The following ST18 variants were observed in gnomAD, a reference collection of about 807,000 sequenced individuals.
ST18 encodes the protein suppression of tumorigenicity 18 protein.
In ST18, 50 loss-of-function variants were observed where a neutral mutation model predicts 110.0. That is an observed-to-expected ratio of 0.45 (90% CI 0.36 to 0.58). ST18 has a LOEUF of 0.58. ST18 is among the 20% of genes least tolerant of loss of function. ST18 has a pLI of 0.00. For missense variants in ST18, 1,306 were observed against 1,280.1 expected, an observed-to-expected ratio of 1.02 and a Z score of -0.31; for synonymous variants, 461 against 452.4, an observed-to-expected ratio of 1.02 and a Z score of -0.24.
At chr8:52,148,400 G>A (rs1042907312) in intron 16 of ST18, among the ~76,000 whole-genome samples, 2 of 152,128 alleles carry the variant, frequency 1.3e-5, no homozygotes, top group African/African-American at 4.8e-5. Context: ...CACACAGGCT[G>A]CCTCAGATGC....
At chr8:52,389,573 G>C (rs1302099665) in intron 2 of ST18, among the ~76,000 whole-genome samples, 1 of 152,222 alleles carries the variant, frequency 6.6e-6, no homozygotes, top group Non-Finnish European at 1.5e-5. Flanking sequence ...GCATGAGGCA[G>C]CGGGGAGGAA....
chr8:52,178,036 T>C (rs1430296767), intron 9 of ST18, among the ~76,000 whole-genome samples: 1 of 152,212 alleles, frequency 6.6e-6, no homozygotes, highest in Non-Finnish European at 1.5e-5. Context: ...CAAATAGATG[T>C]CCATCAGTGC....
intron 2 of ST18, among the ~76,000 whole-genome samples, chr8:52,298,262 T>C (rs62499818): frequency 0.12 from 18,194 of 152,264 alleles, 1,463 homozygotes; most frequent in Middle Eastern, 0.24. Context: ...ACAATCTGTG[T>C]GCGCAGGAAG....
rs1043813675 is a variant in ST18 at position 52,398,534 on chromosome 8, C to T, written c.-465+10794G>A. 3.9e-5 allele frequency among the ~76,000 whole-genome samples: 6 copies of T among 152,118 alleles called. No individual in the cohort carries two copies. The South Asian group carries it at 8.3e-4, about 21-fold the overall frequency. On this transcript the variant is annotated intron_variant, in intron 2 of 25. Transcript: ENST00000689386. ...TTCAGTTGCTCACCATTGATCATGA[C>T]GTTAGCTGTGGGTTTTTCATAAATG...
chr8:52,375,008 G>C (rs1831732267), intron 2 of ST18, among the ~76,000 whole-genome samples: 1 of 152,074 alleles, frequency 6.6e-6, no homozygotes, highest in South Asian at 2.1e-4. Context: ...TCCTCCTCAT[G>C]TGTTAACACA....
rs368313141 is a variant in ST18 at position 52,388,850 on chromosome 8, G to A, written c.-465+20478C>T. ...GGAGGGGGGAGGGATAGCTTTAGGAGATATACCTAATGCTAAATGATGAGT... is the reference window on the plus strand; with the variant it reads ...GGAGGGGGGAGGGATAGCTTTAGGAAATATACCTAATGCTAAATGATGAGT... On this transcript the variant is annotated intron_variant, in intron 2 of 25. Transcript: ENST00000689386. 2.0e-5 allele frequency among the ~76,000 whole-genome samples: 3 copies of A among 149,196 alleles called. No homozygotes were observed. The East Asian group carries it at 6.0e-4, about 30-fold the overall frequency.
intron 2 of ST18, among the ~76,000 whole-genome samples, chr8:52,347,511 A>G (rs983373063): frequency 1.1e-4 from 16 of 152,366 alleles, no homozygotes; most frequent in East Asian, 9.6e-4. Context: ...AAATATTTAT[A>G]TATCAAACAT....
At chr8:52,211,655 C>T (rs1274614586) in intron 8 of ST18, among the ~76,000 whole-genome samples, 1 of 151,934 alleles carries the variant, frequency 6.6e-6, no homozygotes, top group Non-Finnish European at 1.5e-5. Context: ...AATCTGCTCA[C>T]CTCAGCCTGG....
intron 2 of ST18, among the ~76,000 whole-genome samples, chr8:52,277,982 C>A (rs2095306620): frequency 1.3e-5 from 2 of 152,120 alleles, no homozygotes; most frequent in Admixed American, 1.3e-4. Context: ...TTAGGTTTTG[C>A]ATAATATTGT....
chr8:52,268,491 CT>C (rs1299749949), intron 2 of ST18, among the ~76,000 whole-genome samples: 1 of 147,960 alleles, frequency 6.8e-6, no homozygotes, highest in Non-Finnish European at 1.5e-5. Context: ...ATCTATCTAT[CT>C]ATCTATCTAT....
chr8:52,391,854 T>C (rs1465823039), intron 2 of ST18, among the ~76,000 whole-genome samples: 1 of 152,102 alleles, frequency 6.6e-6, no homozygotes, highest in Non-Finnish European at 1.5e-5. Context: ...ATTTGAACTA[T>C]GACTTGAATA....
At chr8:52,252,689 G>A (rs750155759) in intron 2 of ST18, among the ~76,000 whole-genome samples, 1 of 151,918 alleles carries the variant, frequency 6.6e-6, no homozygotes, top group Non-Finnish European at 1.5e-5. Context: ...CTAAAAAAGA[G>A]TGAATCGCTT....
intron 2 of ST18, among the ~76,000 whole-genome samples, chr8:52,320,837 T>C (rs1803581964): frequency 6.6e-6 from 1 of 152,168 alleles, no homozygotes; most frequent in South Asian, 2.1e-4. Context: ...AGACGCAGCC[T>C]AGAGAAACTT....
chr8:52,130,085 A>AG (rs2048657833), intron 22 of ST18, among the ~76,000 whole-genome samples: 1 of 122,542 alleles, frequency 8.2e-6, no homozygotes, highest in Non-Finnish European at 1.6e-5. Flanking sequence ...AGAGAGAGAG[A>AG]AAGAAAGAAA....
At chr8:52,176,448 CA>C (rs1246963639) in intron 9 of ST18, among the ~76,000 whole-genome samples, 1 of 152,088 alleles carries the variant, frequency 6.6e-6, no homozygotes, top group Non-Finnish European at 1.5e-5. Context: ...TCTAATAGGT[CA>C]AAAAATGTCT....
intron 2 of ST18, among the ~76,000 whole-genome samples, chr8:52,331,844 C>T (rs1472126702): frequency 6.6e-6 from 1 of 152,028 alleles, no homozygotes; most frequent in African/African-American, 2.4e-5. Flanking sequence ...TAATTGGAGC[C>T]AAATCTTCCC....
At chr8:52,139,811 A>G (rs2054193754) in intron 17 of ST18, among the ~76,000 whole-genome samples, 1 of 152,232 alleles carries the variant, frequency 6.6e-6, no homozygotes, top group African/African-American at 2.4e-5. Flanking sequence ...GGTTGTATTA[A>G]AAGGTCAAGA....
chr8:52,189,229 A>T (rs1344935765), intron 8 of ST18, among the ~76,000 whole-genome samples: 1 of 152,174 alleles, frequency 6.6e-6, no homozygotes, highest in Non-Finnish European at 1.5e-5. Context: ...TCTAGCTCAT[A>T]TGTATGGCAG....
intron 8 of ST18, among the ~76,000 whole-genome samples, chr8:52,194,083 T>C (rs2075425255): frequency 1.3e-5 from 2 of 152,248 alleles, no homozygotes; most frequent in African/African-American, 4.8e-5. Context: ...TGCTTTTTTT[T>C]CTCATTTAGT....
Sources: allele counts gnomAD v4.1 joint callset (sites outside exome capture counted in the v4.1 genomes callset), GRCh38; gene constraint gnomAD v4.1.1; transcripts MANE v1.5; gene names NCBI Gene and HGNC (gene_info 2026-07-23, HGNC 2026-07-21).